The following SPOCK3 variants were observed in gnomAD, a reference collection of about 807,000 sequenced individuals.
SPOCK3 encodes the protein testican-3.
Under a neutral mutation model 56.6 loss-of-function variants are expected in SPOCK3, and 30 were observed. The observed-to-expected ratio is 0.53, with a 90% CI of 0.40 to 0.72. The LOEUF is 0.72. Ranked by LOEUF, SPOCK3 falls within the 30% of genes least tolerant of loss-of-function variation. SPOCK3 has a pLI of 0.00. For missense variants in SPOCK3, 527 were observed against 530.0 expected, an observed-to-expected ratio of 0.99 and a Z score of 0.06; for synonymous variants, 196 against 183.3, an observed-to-expected ratio of 1.07 and a Z score of -0.56.
chr4:166,950,398 C>T (rs144089053), intron 4 of SPOCK3, among the ~76,000 whole-genome samples: 5,185 of 147,790 alleles, frequency 0.035, 321 homozygotes, highest in African/African-American at 0.13. Context: ...ATCCTAAATA[C>T]ATATGCACCC....
At chr4:166,744,587 G>A (rs1324707211) in intron 8 of SPOCK3, among the ~76,000 whole-genome samples, 1 of 152,146 alleles carries the variant, frequency 6.6e-6, no homozygotes, top group African/African-American at 2.4e-5. Flanking sequence ...TCCTCCAAAG[G>A]AACGCAGCTC....
At chr4:167,158,668 T>C (rs186730830) in intron 2 of SPOCK3, among the ~76,000 whole-genome samples, 31 of 152,134 alleles carry the variant, frequency 2.0e-4, no homozygotes, top group African/African-American at 5.5e-4. Context: ...ATTACAGTTT[T>C]CACATAGTTC....
chr4:166,797,228 C>A, intron 6 of SPOCK3, among the ~76,000 whole-genome samples: 2 of 143,364 alleles, frequency 1.4e-5, no homozygotes, highest in East Asian at 2.1e-4. Flanking sequence ...TGGATTTCCA[C>A]CTTTCTTTTT....
intron 2 of SPOCK3, among the ~76,000 whole-genome samples, chr4:167,126,939 C>T (rs1320041580): frequency 1.3e-5 from 2 of 152,084 alleles, no homozygotes; most frequent in Non-Finnish European, 2.9e-5. Flanking sequence ...TGCCCTGTGC[C>T]TGGGCCTATG....
intron 3 of SPOCK3, among the ~76,000 whole-genome samples, chr4:167,056,446 G>C (rs1051096735): frequency 2.0e-5 from 3 of 152,344 alleles, no homozygotes; most frequent in Middle Eastern, 3.4e-3. Context: ...GAATGACTTT[G>C]ACGAGCTGAG....
intron 4 of SPOCK3, among the ~76,000 whole-genome samples, chr4:166,940,486 C>A (rs1378451991): frequency 6.6e-6 from 1 of 151,966 alleles, no homozygotes; most frequent in African/African-American, 2.4e-5. Context: ...CAATAGGCCT[C>A]AGCATTTGCA....
At chr4:167,119,700 G>C (rs1580355404) in intron 2 of SPOCK3, 1 of 864,942 alleles carries the variant, frequency 1.2e-6, no homozygotes, top group Non-Finnish European at 1.8e-6. Context: ...CAACACATTT[G>C]AAGTATTTAA....
intron 6 of SPOCK3, among the ~76,000 whole-genome samples, chr4:166,885,057 AG>A (rs1248757314): frequency 6.6e-6 from 1 of 152,100 alleles, no homozygotes; most frequent in African/African-American, 2.4e-5. Context: ...CCACAGGTCC[AG>A]AAAAATAAGC....
chr4:167,066,506 C>T (rs192421398), intron 2 of SPOCK3, among the ~76,000 whole-genome samples: 16 of 151,938 alleles, frequency 1.1e-4, no homozygotes, highest in Non-Finnish European at 1.9e-4. Context: ...AGTACTGCTA[C>T]TAGTAACAGA....
At chr4:167,225,178 T>A (rs934628229) in intron 2 of SPOCK3, among the ~76,000 whole-genome samples, 1 of 152,158 alleles carries the variant, frequency 6.6e-6, no homozygotes, top group Non-Finnish European at 1.5e-5. Flanking sequence ...TTATTCAACA[T>A]GATGCTTTTA....
At chr4:167,228,071 G>A (rs1717613590) in intron 2 of SPOCK3, among the ~76,000 whole-genome samples, 1 of 152,016 alleles carries the variant, frequency 6.6e-6, no homozygotes. Flanking sequence ...AACCTAACAT[G>A]TCTTAACATT....
intron 7 of SPOCK3, among the ~76,000 whole-genome samples, chr4:166,778,204 A>G (rs1391624759): frequency 1.3e-5 from 2 of 152,144 alleles, no homozygotes; most frequent in Non-Finnish European, 2.9e-5. Flanking sequence ...AAAATTCAAC[A>G]TTTCCTGATT....
At chr4:166,937,514 A>G (rs1740555459) in intron 4 of SPOCK3, among the ~76,000 whole-genome samples, 1 of 148,330 alleles carries the variant, frequency 6.7e-6, no homozygotes, top group Non-Finnish European at 1.5e-5. Flanking sequence ...CATTTCTAGA[A>G]GCATATATTT....
chr4:166,800,144 T>C (rs1480426138), intron 6 of SPOCK3, among the ~76,000 whole-genome samples: 1 of 127,666 alleles, frequency 7.8e-6, no homozygotes, highest in East Asian at 2.7e-4. Flanking sequence ...ATTGTGCCAC[T>C]GCACTCCAGC....
intron 6 of SPOCK3, among the ~76,000 whole-genome samples, chr4:166,871,964 A>G (rs1212380680): frequency 3.3e-5 from 5 of 151,552 alleles, no homozygotes; most frequent in South Asian, 2.1e-4. Flanking sequence ...GTAATTTAAC[A>G]AAGTTTAATA....
At chr4:166,970,436 C>A (rs1205592221) in intron 4 of SPOCK3, among the ~76,000 whole-genome samples, 3 of 152,146 alleles carry the variant, frequency 2.0e-5, no homozygotes, top group Non-Finnish European at 4.4e-5. Flanking sequence ...ATTTCAAAAA[C>A]AGAGTGGCTG....
At chr4:166,776,060 G>T (rs1739496033) in intron 7 of SPOCK3, among the ~76,000 whole-genome samples, 1 of 152,086 alleles carries the variant, frequency 6.6e-6, no homozygotes, top group Admixed American at 6.6e-5. Flanking sequence ...ACCAGTAATA[G>T]TACTTTGTGA....
intron 2 of SPOCK3, among the ~76,000 whole-genome samples, chr4:167,133,318 T>G (rs1477618228): frequency 6.6e-6 from 1 of 152,128 alleles, no homozygotes; most frequent in African/African-American, 2.4e-5. Context: ...ACCTAGAAAC[T>G]GGACAAGGCA....
intron 4 of SPOCK3, among the ~76,000 whole-genome samples, chr4:166,929,165 G>A (rs984396009): frequency 1.0e-5 from 1 of 96,130 alleles, no homozygotes; most frequent in Non-Finnish European, 2.0e-5. Flanking sequence ...AACCAAAACA[G>A]CTCTAAAAAA....
Sources: gnomAD v4.1 joint callset for allele counts (sites outside exome capture counted in the v4.1 genomes callset) on GRCh38, gnomAD v4.1.1 for gene constraint, MANE v1.5 for transcripts, NCBI Gene and HGNC (gene_info 2026-07-23, HGNC 2026-07-21) for gene names.